The following STARD9 variants were observed in gnomAD, a reference collection of about 807,000 sequenced individuals.
The protein encoded by STARD9 is stAR-related lipid transfer protein 9.
Under a neutral mutation model 399.8 loss-of-function variants are expected in STARD9, and 346 were observed. The ratio of observed to expected loss-of-function variants is 0.87; its 90% CI spans 0.79 to 0.95. The LOEUF is 0.95. STARD9 is among the 40% of genes least tolerant of loss of function. The pLI, the probability that STARD9 is intolerant of heterozygous loss-of-function variation, is 0.00. For synonymous variants in STARD9, 2,203 were observed against 2,143.5 expected, an observed-to-expected ratio of 1.03 and a Z score of -0.77; for missense variants, 5,832 against 5,667.5, an observed-to-expected ratio of 1.03 and a Z score of -0.93.
Position 42,689,202 on chromosome 15 carries a change from T to C in STARD9, c.7624T>C (p.Ser2542Pro). The change falls in exon 23 of 33, where the codon TCT (serine) becomes CCT (proline). Residue 2542 changes from serine to proline, a missense_variant. This residue lies in a region of STARD9 where 5,828 missense variants were observed against 5,651.1 expected (regional missense o/e 1.03). Transcript: ENST00000290607. ...PSPEPRLLEP[S>P]DHASMCLAIL... ...TCCAGAGCCTAGGCTGTTGGAGCCCTCTGACCATGCATCCATGTGCCTGGC... is the reference window on the plus strand; with the variant it reads ...TCCAGAGCCTAGGCTGTTGGAGCCCCCTGACCATGCATCCATGTGCCTGGC... 1 of 1,537,266 alleles carries C rather than the reference T, an allele frequency of 6.5e-7. No homozygotes were observed. The highest frequency in any genetic ancestry group is 1.2e-5 in the South Asian group (1 of 84,058).
In STARD9 at chr15:42,689,941, C is replaced by T. The variant is rs1334215775; in HGVS notation, c.8363C>T (p.Thr2788Ile). 2.6e-6 allele frequency: 4 copies of T among 1,537,700 alleles called. No homozygotes were observed. Among genetic ancestry groups the T allele is most frequent in the South Asian group, 2.4e-5 (2 of 84,052 alleles). Residue 2788 changes from threonine to isoleucine, a missense_variant, in exon 23 of 33, where the codon ACT (threonine) becomes ATT (isoleucine). Transcript: ENST00000290607. ...AGCCCAGAGCATCAGGAACCCAGAA[C>T]TCTAGACACCACATATGGAGAAGTT... ...DSSPEHQEPR[T>I]LDTTYGEVSD...
intron 3 of STARD9, among the ~76,000 whole-genome samples, chr15:42,627,383 G>A (rs1373058367): frequency 6.6e-6 from 1 of 152,192 alleles, no homozygotes; most frequent in Non-Finnish European, 1.5e-5. Context: ...ACAATGCGTA[G>A]TACTCACATC....
intron 4 of STARD9, among the ~76,000 whole-genome samples, chr15:42,637,504 C>T (rs2059441755): frequency 6.6e-6 from 1 of 152,140 alleles, no homozygotes; most frequent in African/African-American, 2.4e-5. Flanking sequence ...GGTGAGCCAC[C>T]ACACCTGGTC....
At chr15:42,704,559 G>A (rs1240262250) in intron 26 of STARD9, among the ~76,000 whole-genome samples, 1 of 152,168 alleles carries the variant, frequency 6.6e-6, no homozygotes, top group East Asian at 1.9e-4. Flanking sequence ...TAAGCCTGTG[G>A]TCACTGTAGC....
intron 18 of STARD9, 157 bp from the exon 19 acceptor site, chr15:42,675,507 A>G (rs941154411): frequency 6.5e-6 from 4 of 612,380 alleles, no homozygotes; most frequent in Non-Finnish European, 1.2e-5. Flanking sequence ...TTCAAGATGT[A>G]TGCTGTGAGA....
intron 26 of STARD9, among the ~76,000 whole-genome samples, chr15:42,708,702 G>T (rs1430991001): frequency 1.3e-5 from 2 of 151,572 alleles, no homozygotes; most frequent in Non-Finnish European, 2.9e-5. Context: ...TGTAAGACAG[G>T]TAATGTGCTG....
chr15:42,670,259 T>C (rs2060178876), intron 16 of STARD9: 1 of 152,000 alleles, frequency 6.6e-6, no homozygotes, highest in South Asian at 2.1e-4. Context: ...GCTTAAAACA[T>C]AGGGAGGGTC....
intron 4 of STARD9, among the ~76,000 whole-genome samples, chr15:42,637,448 C>A (rs889752804): frequency 3.3e-5 from 5 of 152,086 alleles, no homozygotes; most frequent in Non-Finnish European, 7.4e-5. Flanking sequence ...CTCCTGAGCT[C>A]AAGTGATCCA....
chr15:42,652,711 T>C, intron 9 of STARD9, 119 bp downstream of exon 9: 1 of 920,562 alleles, frequency 1.1e-6, no homozygotes, highest in Non-Finnish European at 1.7e-6. Context: ...GGTCTCAGTC[T>C]GTTGCCCAGA....
intron 3 of STARD9, among the ~76,000 whole-genome samples, chr15:42,625,822 C>A (rs2059195431): frequency 6.6e-6 from 1 of 151,974 alleles, no homozygotes; most frequent in Admixed American, 6.6e-5. Context: ...TAACCTCTCT[C>A]TCAGTGGAAT....
rs992130054 is a variant in STARD9 at position 42,615,002 on chromosome 15, T to C, written c.235-19854T>C. Among the ~76,000 whole-genome samples, 14 of 132,658 alleles carry C rather than the reference T, an allele frequency of 1.1e-4. No individual in the cohort carries two copies. In the Admixed American group the frequency reaches 1.2e-3, roughly 11 times the overall value. 87.0% of individuals were successfully genotyped at this position (132,658 alleles called of 152,430 possible). A position where few individuals can be genotyped will look rare whatever the true frequency, so the allele number is the denominator to read the frequency against. On this transcript the variant is annotated intron_variant, in intron 3 of 32. Coordinates refer to ENST00000290607, the MANE Select transcript of STARD9 (RefSeq NM_020759.3). ...CAGAAAACAGCAGTTCATAAAGATA[T>C]ATAGTCAAGGATTTTTTTTTTTTTT...
intron 3 of STARD9, among the ~76,000 whole-genome samples, chr15:42,633,312 C>A (rs2059365258): frequency 6.6e-6 from 1 of 152,004 alleles, no homozygotes; most frequent in Non-Finnish European, 1.5e-5. Context: ...AGTAACTTGC[C>A]CAAGATCACA....
chr15:42,695,096 G>T (rs1251286483), intron 24 of STARD9, 44 bp from the exon 25 acceptor site: 1 of 1,464,950 alleles, frequency 6.8e-7, no homozygotes, highest in Non-Finnish European at 9.1e-7. Context: ...GACCAGGACT[G>T]TCACCCACCC....
chr15:42,575,689 C>T lies in STARD9; in HGVS notation c.-27C>T, dbSNP rs566000316. Reference sequence around the variant, plus strand: ...CCTGGGATGCTGCCGCTGAGCTGACCCGCTGGACTTGGGTTGTGGCAGACG... The same window carrying T: ...CCTGGGATGCTGCCGCTGAGCTGACTCGCTGGACTTGGGTTGTGGCAGACG... On this transcript the variant is annotated 5_prime_UTR_variant, in exon 1 of 33. Coordinates refer to ENST00000290607, the MANE Select transcript of STARD9 (RefSeq NM_020759.3). The T allele has an allele frequency of 3.3e-6, 5 of 1,536,100 alleles. No homozygotes were observed. The East Asian group carries it at 1.2e-4, about 38-fold the overall frequency.
At chr15:42,682,810 T>G (rs529095489) in intron 22 of STARD9, among the ~76,000 whole-genome samples, 76 of 152,326 alleles carry the variant, frequency 5.0e-4, no homozygotes, top group African/African-American at 1.8e-3. Context: ...CAATTCTTGC[T>G]TCTTTGGTAA....
intron 3 of STARD9, among the ~76,000 whole-genome samples, chr15:42,625,219 G>T (rs545901966): frequency 2.0e-5 from 3 of 151,742 alleles, no homozygotes; most frequent in African/African-American, 7.3e-5. Context: ...TAGAGATGGG[G>T]TTTCACCATG....
Position 42,692,992 on chromosome 15 carries a change from C to T in STARD9, c.11414C>T (p.Thr3805Ile), listed in dbSNP as rs1021645046. The T allele has an allele frequency of 7.2e-6, 11 of 1,537,094 alleles. No homozygotes were observed. The highest frequency in any genetic ancestry group is 9.6e-6 in the Non-Finnish European group (11 of 1,146,914). ...AQLLYLQEES[T>I]PYKPQSPSIP... ...CTCCTCTATCTTCAGGAAGAAAGCA[C>T]TCCCTACAAGCCCCAGAGCCCTTCA... Residue 3805 changes from threonine to isoleucine, a missense_variant, in exon 23 of 33, where the codon ACT (threonine) becomes ATT (isoleucine). Physicochemically the swap from Thr to Ile is moderately conservative, Grantham distance 89. Around this residue, in one of 2 missense-constraint regions of STARD9, gnomAD observed 5,828 missense variants for 5,651.1 expected, o/e 1.03. Coordinates refer to ENST00000290607, the MANE Select transcript of STARD9 (RefSeq NM_020759.3).
In STARD9 at chr15:42,696,036, C is replaced by T. The variant is rs574008319; in HGVS notation, c.13284+156C>T. Among the ~76,000 whole-genome samples, 29 of 152,370 alleles carry T rather than the reference C, an allele frequency of 1.9e-4. No individual in the cohort carries two copies. In the South Asian group the frequency reaches 6.0e-3, roughly 32 times the overall value. ...TTCTTATGTGCAGGCCTTTGGTTTT[C>T]CATTTAGTTCTGCCCCCTGCTCCTT... On this transcript the variant is annotated intron_variant, in intron 26 of 32. Coordinates refer to ENST00000290607, the MANE Select transcript of STARD9 (RefSeq NM_020759.3).
chr15:42,710,009 T>A (rs551276039), intron 26 of STARD9, among the ~76,000 whole-genome samples: 5 of 152,222 alleles, frequency 3.3e-5, no homozygotes, highest in African/African-American at 1.2e-4. Flanking sequence ...GCTTTAATTA[T>A]TTGGAGTTCT....
Sources: allele counts gnomAD v4.1 joint callset (sites outside exome capture counted in the v4.1 genomes callset), GRCh38; gene constraint gnomAD v4.1.1; regional missense constraint gnomAD v4.1.1; transcripts MANE v1.5; gene names NCBI Gene and HGNC (gene_info 2026-07-23, HGNC 2026-07-21).